CNTNAP2: variants seen among roughly 807,000 people sequenced by gnomAD.
CNTNAP2 encodes contactin associated protein 2, also known as contactin-associated protein-like 2.
In CNTNAP2, 98 loss-of-function variants were observed where a neutral mutation model predicts 155.2. The ratio of observed to expected loss-of-function variants is 0.63; its 90% CI spans 0.54 to 0.75. The LOEUF (loss-of-function observed/expected upper bound fraction) is 0.75. Among genes scored for constraint, CNTNAP2 ranks in the 30% least tolerant of loss-of-function variants. The pLI is 0.00. For missense variants in CNTNAP2, 1,727 were observed against 1,688.1 expected (o/e 1.02, Z -0.40); for synonymous variants, 651 against 631.2 (o/e 1.03, Z -0.47).
chr7:146,712,954 T>C (rs889551522), intron 1 of CNTNAP2, among the ~76,000 whole-genome samples: 1 of 152,052 alleles, frequency 6.6e-6, no homozygotes. Flanking sequence ...TGTTGATTTC[T>C]TCACGCTGAC....
chr7:146,718,150 A>G (rs1801223584), intron 1 of CNTNAP2, among the ~76,000 whole-genome samples: 1 of 152,190 alleles, frequency 6.6e-6, no homozygotes, highest in African/African-American at 2.4e-5. Context: ...TTTGTTTACC[A>G]TACGCATAGT....
chr7:147,341,880 G>A lies in CNTNAP2; in HGVS notation c.1498+41590G>A, dbSNP rs1421878069. On this transcript the variant is annotated intron_variant, in intron 9 of 23. Transcript: ENST00000361727. ...ACTTACATTAATAGTAATGCATTAA[G>A]TATATACATTAAGAACTGTCTTAAT... Among the ~76,000 whole-genome samples, 10 of 151,938 alleles carry A rather than the reference G, an allele frequency of 6.6e-5. 1 individual carries two copies. The highest frequency in any genetic ancestry group is 1.3e-4 in the Non-Finnish European group (9 of 68,014).
intron 2 of CNTNAP2, among the ~76,000 whole-genome samples, chr7:146,833,921 T>A (rs187578311): frequency 6.6e-6 from 1 of 152,312 alleles, no homozygotes; most frequent in East Asian, 1.9e-4. Flanking sequence ...ATTTTCTTCT[T>A]ATCTATCTTA....
chr7:147,229,036 T>A (rs1803616507), intron 8 of CNTNAP2, among the ~76,000 whole-genome samples: 2 of 139,674 alleles, frequency 1.4e-5, no homozygotes, highest in South Asian at 5.3e-4. Flanking sequence ...TGTGCCACAT[T>A]TTCTTTATAT....
chr7:146,343,380 A>G (rs1186785401), intron 1 of CNTNAP2, among the ~76,000 whole-genome samples: 1 of 152,076 alleles, frequency 6.6e-6, no homozygotes, highest in African/African-American at 2.4e-5. Context: ...GAAAACAGTC[A>G]TCAGCATAAG....
intron 12 of CNTNAP2, among the ~76,000 whole-genome samples, chr7:147,595,419 G>A (rs1316390522): frequency 6.6e-6 from 1 of 152,104 alleles, no homozygotes; most frequent in African/African-American, 2.4e-5. Flanking sequence ...TATTGTACAG[G>A]TCTGGATATA....
At chr7:148,029,614 G>A (rs1358105342) in intron 15 of CNTNAP2, among the ~76,000 whole-genome samples, 1 of 152,142 alleles carries the variant, frequency 6.6e-6, no homozygotes, top group Non-Finnish European at 1.5e-5. Context: ...CCCTAGAATT[G>A]ATGGTTTCCA....
chr7:146,199,435 G>C (rs1254787225), intron 1 of CNTNAP2, among the ~76,000 whole-genome samples: 1 of 152,148 alleles, frequency 6.6e-6, no homozygotes, highest in African/African-American at 2.4e-5. Context: ...AGGAACAAAT[G>C]AGATAGGAAG....
intron 13 of CNTNAP2, among the ~76,000 whole-genome samples, chr7:147,867,184 A>T (rs1305053625): frequency 2.0e-5 from 3 of 151,964 alleles, no homozygotes; most frequent in Admixed American, 1.3e-4. Context: ...TGTGTAAAGG[A>T]TTTTATTTCT....
intron 1 of CNTNAP2, among the ~76,000 whole-genome samples, chr7:146,534,088 T>G (rs1193521405): frequency 6.6e-6 from 1 of 152,162 alleles, no homozygotes; most frequent in East Asian, 1.9e-4. Context: ...GTTTGCATTT[T>G]ATCAGAGGAT....
chr7:147,705,231 G>A (rs1406217781), intron 13 of CNTNAP2, among the ~76,000 whole-genome samples: 1 of 151,858 alleles, frequency 6.6e-6, no homozygotes, highest in African/African-American at 2.4e-5. Flanking sequence ...TGCTTCCATA[G>A]TTTTGGTATA....
intron 10 of CNTNAP2, among the ~76,000 whole-genome samples, chr7:147,421,017 A>G (rs947649455): frequency 6.6e-6 from 1 of 152,234 alleles, no homozygotes; most frequent in African/African-American, 2.4e-5. Flanking sequence ...TCACAAAAAA[A>G]GCTTATCCCT....
At chr7:147,680,829 T>C (rs1430078817) in intron 13 of CNTNAP2, among the ~76,000 whole-genome samples, 2 of 151,470 alleles carry the variant, frequency 1.3e-5, no homozygotes, top group African/African-American at 4.8e-5. Context: ...ATAAATAGCA[T>C]AAACTAATAC....
chr7:146,493,907 A>G (rs1349898026), intron 1 of CNTNAP2, among the ~76,000 whole-genome samples: 1 of 152,242 alleles, frequency 6.6e-6, no homozygotes, highest in Non-Finnish European at 1.5e-5. Flanking sequence ...ATAACCATAC[A>G]TATTGAGTAC....
intron 3 of CNTNAP2, among the ~76,000 whole-genome samples, chr7:146,994,872 CTT>C (rs35842247): frequency 0.2 from 30,689 of 151,868 alleles, 3,884 homozygotes; most frequent in Non-Finnish European, 0.27. Context: ...TATCAACTCT[CTT>C]TGTGTTTTTT....
In CNTNAP2 at chr7:148,365,992, GTA is replaced by G. The variant is rs1336640684; in HGVS notation, c.3476-17655_3476-17654del. On this transcript the variant is annotated intron_variant, in intron 21 of 23. Transcript: ENST00000361727. The stretch of plus-strand genomic sequence containing the variant: ...TGTGTGTATGCATGTATACATGTGT[GTA>G]TGCATGTATGCATGTGTGTATGCAT... 4.1e-3 allele frequency among the ~76,000 whole-genome samples: 8 copies of G among 1,962 alleles called. 4 individuals are homozygous for G. The highest frequency in any genetic ancestry group is 4.7e-3 in the African/African-American group (8 of 1,696). 1.3% of individuals were successfully genotyped at this position (1,962 alleles called of 152,430 possible).
intron 2 of CNTNAP2, among the ~76,000 whole-genome samples, chr7:146,825,634 C>G (rs1803385534): frequency 6.6e-6 from 1 of 152,104 alleles, no homozygotes; most frequent in Non-Finnish European, 1.5e-5. Context: ...ATATCATAGT[C>G]TGAGACCAAG....
At chr7:146,267,926 A>C (rs888204604) in intron 1 of CNTNAP2, among the ~76,000 whole-genome samples, 1 of 152,236 alleles carries the variant, frequency 6.6e-6, no homozygotes, top group Non-Finnish European at 1.5e-5. Context: ...ATCAATAAAC[A>C]TATGTGCAGG....
At chr7:146,210,396 C>T (rs981032592) in intron 1 of CNTNAP2, among the ~76,000 whole-genome samples, 5 of 152,094 alleles carry the variant, frequency 3.3e-5, no homozygotes, top group Non-Finnish European at 4.4e-5. Context: ...CTCCGCCTCC[C>T]GGGTTCAAGT....
Sources: gnomAD v4.1 joint callset for allele counts (sites outside exome capture counted in the v4.1 genomes callset) on GRCh38, gnomAD v4.1.1 for gene constraint, MANE v1.5 for transcripts, NCBI Gene and HGNC (gene_info 2026-07-23, HGNC 2026-07-21) for gene names.